Variants in TSHZ2 observed in about 807,000 individuals in gnomAD.
The protein encoded by TSHZ2 is teashirt zinc finger homeobox 2.
TSHZ2 carries 21 observed loss-of-function variants against 74.4 expected under a neutral mutation model. The observed-to-expected ratio is 0.28, with a 90% CI of 0.20 to 0.41. The LOEUF (loss-of-function observed/expected upper bound fraction) is 0.41, where lower values mean the gene tolerates loss of function less well. Among genes scored for constraint, TSHZ2 ranks in the 10% least tolerant of loss-of-function variants. The probability of loss-of-function intolerance (pLI) is 1.00; values close to 1 mark genes in which losing one functional copy is unlikely to be tolerated. For missense variants in TSHZ2, 1,244 were observed against 1,293.5 expected, an observed-to-expected ratio of 0.96 and a Z score of 0.59; for synonymous variants, 540 against 515.3, an observed-to-expected ratio of 1.05 and a Z score of -0.65.
At chr20:53,113,262 G>A (rs1458979025) in intron 1 of TSHZ2, among the ~76,000 whole-genome samples, 1 of 152,170 alleles carries the variant, frequency 6.6e-6, no homozygotes, top group Non-Finnish European at 1.5e-5. Context: ...TGCTGTTGAT[G>A]TTTTCAGAAA....
chr20:53,450,335 T>G (rs1341817846), intron 2 of TSHZ2, among the ~76,000 whole-genome samples: 2 of 152,236 alleles, frequency 1.3e-5, no homozygotes, highest in Non-Finnish European at 2.9e-5. Flanking sequence ...GTAAAGCATT[T>G]TGATTGCTTT....
intron 1 of TSHZ2, among the ~76,000 whole-genome samples, chr20:53,075,449 C>T (rs549343382): frequency 1.7e-4 from 26 of 152,130 alleles, no homozygotes; most frequent in African/African-American, 6.0e-4. Context: ...AATAGGGACA[C>T]GAAGGGGATT....
intron 1 of TSHZ2, among the ~76,000 whole-genome samples, chr20:53,015,602 A>C (rs1043364329): frequency 6.6e-6 from 1 of 152,186 alleles, no homozygotes; most frequent in African/African-American, 2.4e-5. Context: ...CTGGCACAGC[A>C]CATTCCTTTA....
intron 2 of TSHZ2, among the ~76,000 whole-genome samples, chr20:53,424,057 A>G (rs1983575425): frequency 6.6e-6 from 1 of 152,252 alleles, no homozygotes. Context: ...AACCAGATTT[A>G]TCTGACATCA....
chr20:53,409,681 C>T (rs1982977009), intron 2 of TSHZ2, among the ~76,000 whole-genome samples: 1 of 151,952 alleles, frequency 6.6e-6, no homozygotes, highest in Non-Finnish European at 1.5e-5. Context: ...GAGATGAACG[C>T]TTTGCTTTTG....
At chr20:52,991,062 T>C (rs1174002783) in intron 1 of TSHZ2, among the ~76,000 whole-genome samples, 1 of 152,214 alleles carries the variant, frequency 6.6e-6, no homozygotes, top group Non-Finnish European at 1.5e-5. Flanking sequence ...ATGTATGTTG[T>C]GGGTATTAGT....
chr20:53,347,849 TA>T (rs1488071359), intron 2 of TSHZ2, among the ~76,000 whole-genome samples: 1 of 152,198 alleles, frequency 6.6e-6, no homozygotes, highest in African/African-American at 2.4e-5. Flanking sequence ...CCGTTTTAAG[TA>T]TCATAAAGTA....
Position 53,255,762 on chromosome 20 carries a change from C to T in TSHZ2, c.2304C>T (p.Thr768=). 6.2e-7 allele frequency: 1 copy of T among 1,613,956 alleles called. No individual in the cohort carries two copies. The highest frequency in any genetic ancestry group is 8.5e-7 in the Non-Finnish European group (1 of 1,179,946). The change falls in exon 2 of 3, where the codon ACC becomes ACT. Residue 768 remains threonine (T), a synonymous_variant. Transcript: ENST00000371497. The surrounding 1 kb of genome is among the most constrained non-coding windows in gnomAD (Gnocchi z 4.1). ...FENSDQPIDL[T]KSKSKKAESS... ...ACAGCGATCAGCCCATTGACCTGAC[C>T]AAGTCCAAAAGCAAGAAAGCCGAGT...
chr20:53,182,419 C>G, intron 1 of TSHZ2, among the ~76,000 whole-genome samples: 1 of 152,158 alleles, frequency 6.6e-6, no homozygotes, highest in East Asian at 1.9e-4. Context: ...CTGATCCATG[C>G]AAAAGTGGAT....
chr20:53,042,315 T>C (rs1414866963), intron 1 of TSHZ2, among the ~76,000 whole-genome samples: 1 of 152,192 alleles, frequency 6.6e-6, no homozygotes, highest in Non-Finnish European at 1.5e-5. Context: ...CAACACAATG[T>C]TCTTTAATTG....
chr20:53,107,405 G>T (rs1175314996), intron 1 of TSHZ2, among the ~76,000 whole-genome samples: 2 of 152,124 alleles, frequency 1.3e-5, no homozygotes, highest in African/African-American at 4.8e-5. Flanking sequence ...GAGAATTTGT[G>T]AAAAAAGCAT....
intron 1 of TSHZ2, among the ~76,000 whole-genome samples, chr20:53,051,626 G>C (rs1041089569): frequency 1.3e-5 from 2 of 152,004 alleles, no homozygotes; most frequent in African/African-American, 4.8e-5. Flanking sequence ...ATATTGGCTT[G>C]TCTGAGTTAC....
chr20:53,181,413 ATTCTGT>A (rs1282658458), intron 1 of TSHZ2, among the ~76,000 whole-genome samples: 2 of 152,190 alleles, frequency 1.3e-5, no homozygotes, highest in Non-Finnish European at 2.9e-5. Flanking sequence ...GTCTAAATAG[ATTCTGT>A]TTCTGACAGA....
chr20:53,067,793 G>A (rs555736060), intron 1 of TSHZ2, among the ~76,000 whole-genome samples: 1 of 152,318 alleles, frequency 6.6e-6, no homozygotes, highest in East Asian at 1.9e-4. Context: ...AGTGGCTGCT[G>A]GGACAAAGTG....
intron 1 of TSHZ2, among the ~76,000 whole-genome samples, chr20:53,087,394 T>C (rs896459404): frequency 2.0e-5 from 3 of 152,218 alleles, no homozygotes; most frequent in Non-Finnish European, 4.4e-5. Context: ...CAGACATTTA[T>C]GCATTACACA....
chr20:53,344,417 C>T (rs1600821193), intron 2 of TSHZ2, among the ~76,000 whole-genome samples: 1 of 152,124 alleles, frequency 6.6e-6, no homozygotes, highest in Non-Finnish European at 1.5e-5. Flanking sequence ...GCTGAATTGA[C>T]CATACTGTCT....
At chr20:53,228,466 C>T (rs972216266) in intron 1 of TSHZ2, among the ~76,000 whole-genome samples, 3 of 152,212 alleles carry the variant, frequency 2.0e-5, no homozygotes, top group Non-Finnish European at 2.9e-5. Context: ...AGTAAAATAG[C>T]TTCCAAAGCA....
intron 2 of TSHZ2, among the ~76,000 whole-genome samples, chr20:53,475,234 C>G (rs1314429890): frequency 7.6e-6 from 1 of 130,818 alleles, no homozygotes; most frequent in Non-Finnish European, 1.6e-5. Flanking sequence ...CACACCTATT[C>G]CAAAATTGAC....
chr20:53,114,489 C>G (rs547481428), intron 1 of TSHZ2, among the ~76,000 whole-genome samples: 3 of 152,302 alleles, frequency 2.0e-5, no homozygotes, highest in Admixed American at 6.5e-5. Context: ...ATTCCGTATA[C>G]AGTAAGCACT....
Sources: allele counts gnomAD v4.1 joint callset (sites outside exome capture counted in the v4.1 genomes callset), GRCh38; gene constraint gnomAD v4.1.1; non-coding constraint Gnocchi (gnomAD v3.1); transcripts MANE v1.5; gene names NCBI Gene and HGNC (gene_info 2026-07-23, HGNC 2026-07-21).